Variants in EPHA3 observed in about 807,000 individuals in gnomAD.
EPHA3 encodes EPH receptor A3.
In EPHA3, 42 loss-of-function variants were observed where a neutral mutation model predicts 107.1. That is an observed-to-expected ratio of 0.39 (90% CI 0.31 to 0.51). EPHA3 has a LOEUF of 0.51. EPHA3 is among the 20% of genes least tolerant of loss of function. The pLI, the probability that EPHA3 is intolerant of heterozygous loss-of-function variation, is 0.78. For synonymous variants in EPHA3, 461 were observed against 424.8 expected, an observed-to-expected ratio of 1.09 and a Z score of -1.05; for missense variants, 1,183 against 1,211.2, an observed-to-expected ratio of 0.98 and a Z score of 0.35.
chr3:89,116,590 CAT>C (rs1191219206), intron 1 of EPHA3, among the ~76,000 whole-genome samples: 3 of 151,862 alleles, frequency 2.0e-5, no homozygotes, highest in Non-Finnish European at 4.4e-5. Context: ...TATTTTAGCA[CAT>C]ATGTTTTGCA....
chr3:89,344,043 A>G (rs577185455), intron 5 of EPHA3, among the ~76,000 whole-genome samples: 8 of 152,118 alleles, frequency 5.3e-5, no homozygotes, highest in African/African-American at 1.2e-4. Context: ...TCATGTGGCA[A>G]ATGGTTTTCC....
intron 5 of EPHA3, among the ~76,000 whole-genome samples, chr3:89,382,251 T>C (rs1708524733): frequency 6.6e-6 from 1 of 152,114 alleles, no homozygotes; most frequent in African/African-American, 2.4e-5. Flanking sequence ...CTCACACATG[T>C]AATCTTGGCA....
intron 2 of EPHA3, among the ~76,000 whole-genome samples, chr3:89,159,022 A>G (rs1704864855): frequency 1.3e-5 from 2 of 152,124 alleles, no homozygotes; most frequent in Admixed American, 1.3e-4. Flanking sequence ...AGCCTCACCC[A>G]CATTTCCTTA....
At chr3:89,376,556 T>G (rs1037560317) in intron 5 of EPHA3, among the ~76,000 whole-genome samples, 3 of 152,018 alleles carry the variant, frequency 2.0e-5, no homozygotes, top group Non-Finnish European at 4.4e-5. Flanking sequence ...ATGGTTTAAA[T>G]AATTTATGTT....
intron 3 of EPHA3, among the ~76,000 whole-genome samples, chr3:89,281,146 C>G (rs1355150365): frequency 1.3e-5 from 2 of 152,110 alleles, no homozygotes; most frequent in African/African-American, 4.8e-5. Context: ...GCCTCAGCCT[C>G]TTGAGTAGCT....
rs374089201 is a variant in EPHA3, at chr3:89,227,502, C to T, written c.814+16982C>T. ...TAAAGAACTTGTACGTTACGAGAGA[C>T]TGAATATTTAAGTCGGTGTTTAACA... On this transcript the variant is annotated intron_variant, in intron 3 of 16. Transcript: ENST00000336596. Among the ~76,000 whole-genome samples, 174 of 152,030 alleles carry T rather than the reference C, an allele frequency of 1.1e-3. 1 individual carries two copies. Among genetic ancestry groups the T allele is most frequent in the African/African-American group, 4.1e-3 (169 of 41,522 alleles).
At chr3:89,418,267 C>T (rs1346237497) in intron 10 of EPHA3, among the ~76,000 whole-genome samples, 2 of 151,338 alleles carry the variant, frequency 1.3e-5, no homozygotes, top group Admixed American at 6.6e-5. Flanking sequence ...ATCTGATAAT[C>T]CACACTATGT....
intron 2 of EPHA3, among the ~76,000 whole-genome samples, chr3:89,202,352 A>G (rs919970773): frequency 6.6e-6 from 1 of 151,330 alleles, no homozygotes; most frequent in African/African-American, 2.4e-5. Context: ...AAATAAATAA[A>G]TAAATAAATA....
intron 5 of EPHA3, among the ~76,000 whole-genome samples, chr3:89,359,772 CA>C (rs975833522): frequency 2.1e-4 from 30 of 141,730 alleles, no homozygotes; most frequent in African/African-American, 7.9e-4. Flanking sequence ...TATATACACA[CA>C]TATATATACA....
At chr3:89,445,882 T>C (rs1264708686) in intron 13 of EPHA3, among the ~76,000 whole-genome samples, 1 of 152,122 alleles carries the variant, frequency 6.6e-6, no homozygotes, top group Non-Finnish European at 1.5e-5. Context: ...CCAGAATATT[T>C]TGTTAAAAAT....
chr3:89,281,438 C>G lies in EPHA3; in HGVS notation c.815-59478C>G, dbSNP rs189656527. Reference sequence around the variant, plus strand: ...TGAGCCAAGATATGAATGCAGCTCCCTTTGAAATGGAAACCTGCTCTAATT... The same window carrying G: ...TGAGCCAAGATATGAATGCAGCTCCGTTTGAAATGGAAACCTGCTCTAATT... On this transcript the variant is annotated intron_variant, in intron 3 of 16. Transcript: ENST00000336596. Among the ~76,000 whole-genome samples, 339 of 152,218 alleles carry G rather than the reference C, an allele frequency of 2.2e-3. 1 individual carries two copies. The highest frequency in any genetic ancestry group is 7.5e-3 in the African/African-American group (313 of 41,542).
At chr3:89,453,203 T>C (rs1710028711) in intron 15 of EPHA3, among the ~76,000 whole-genome samples, 1 of 151,888 alleles carries the variant, frequency 6.6e-6, no homozygotes, top group East Asian at 1.9e-4. Flanking sequence ...ACAGCATAGA[T>C]AGTAATCACA....
At chr3:89,416,297 C>T (rs1055674942) in intron 10 of EPHA3, among the ~76,000 whole-genome samples, 32 of 151,462 alleles carry the variant, frequency 2.1e-4, no homozygotes, top group African/African-American at 7.7e-4. Flanking sequence ...CAAGATCTGG[C>T]AGCCATGCTT....
intron 13 of EPHA3, among the ~76,000 whole-genome samples, chr3:89,438,113 G>T (rs1266935434): frequency 8.6e-5 from 13 of 151,336 alleles, no homozygotes; most frequent in African/African-American, 3.2e-4. Context: ...GTTTTGTTTT[G>T]TTTTGTTTTT....
chr3:89,472,746 T>A, intron 16 of EPHA3, 127 bp downstream of exon 16: 1 of 1,104,896 alleles, frequency 9.1e-7, no homozygotes, highest in East Asian at 2.6e-5. Context: ...AGGTACTGAC[T>A]ACCGCCTGGA....
At chr3:89,405,921 A>G (rs997320475) in intron 7 of EPHA3, among the ~76,000 whole-genome samples, 1 of 152,156 alleles carries the variant, frequency 6.6e-6, no homozygotes, top group Non-Finnish European at 1.5e-5. Flanking sequence ...TGGCTTTTAC[A>G]CGCTCTGCTA....
intron 3 of EPHA3, among the ~76,000 whole-genome samples, chr3:89,299,856 T>C (rs1481804027): frequency 1.3e-5 from 2 of 152,000 alleles, no homozygotes; most frequent in Non-Finnish European, 2.9e-5. Context: ...TTAAGGAAAA[T>C]TTTTGATAGC....
At chr3:89,438,302 G>T (rs1317120691) in intron 13 of EPHA3, among the ~76,000 whole-genome samples, 1 of 151,664 alleles carries the variant, frequency 6.6e-6, no homozygotes, top group African/African-American at 2.4e-5. Context: ...TAGTAGAGAC[G>T]GGGTTTCACC....
At chr3:89,407,559 C>T (rs898759341) in intron 8 of EPHA3, among the ~76,000 whole-genome samples, 188 bp downstream of exon 8, 5 of 152,106 alleles carry the variant, frequency 3.3e-5, no homozygotes, top group Admixed American at 2.6e-4. Flanking sequence ...TGATTTTCTG[C>T]TCTACATTAA....
Sources: gnomAD v4.1 joint callset for allele counts (sites outside exome capture counted in the v4.1 genomes callset) on GRCh38, gnomAD v4.1.1 for gene constraint, MANE v1.5 for transcripts, NCBI Gene and HGNC (gene_info 2026-07-23, HGNC 2026-07-21) for gene names.